Variants in ST6GALNAC3 observed in about 807,000 individuals in gnomAD.
ST6GALNAC3 encodes alpha-N-acetylgalactosaminide alpha-2,6-sialyltransferase 3.
A neutral mutation model predicts 32.7 loss-of-function variants in ST6GALNAC3; 25 were observed. The observed-to-expected ratio is 0.76, with a 90% CI of 0.56 to 1.07. The LOEUF is 1.07. ST6GALNAC3 is among the 50% of genes least tolerant of loss of function. The probability of loss-of-function intolerance (pLI) is 0.00; values close to 1 mark genes in which losing one functional copy is unlikely to be tolerated. For synonymous variants in ST6GALNAC3, 129 were observed against 133.1 expected (o/e 0.97, Z 0.21); for missense variants, 355 against 382.4 (o/e 0.93, Z 0.60).
At chr1:76,527,896 G>A (rs1459216688) in intron 3 of ST6GALNAC3, among the ~76,000 whole-genome samples, 43 of 151,998 alleles carry the variant, frequency 2.8e-4, no homozygotes, top group Admixed American at 2.8e-3. Context: ...GGTATCAGCA[G>A]AAAAATAAAA....
intron 3 of ST6GALNAC3, among the ~76,000 whole-genome samples, chr1:76,429,511 C>G (rs1655609350): frequency 1.3e-5 from 2 of 152,124 alleles, no homozygotes. Context: ...TATTGCATTG[C>G]ACATTTAGAT....
rs144110306 is a variant in ST6GALNAC3, at chr1:76,235,046, A to G, written c.19-78759A>G. Among the ~76,000 whole-genome samples, 1,113 of 152,310 alleles carry G rather than the reference A, an allele frequency of 7.3e-3. 9 individuals are homozygous for G. The highest frequency in any genetic ancestry group is 0.037 in the Middle Eastern group (11 of 294). On this transcript the variant is annotated intron_variant, in intron 1 of 4. Transcript: ENST00000328299. Reference sequence around the variant, plus strand: ...TAAACTCAAAGTAGCAGGGCCTCACATTTGGGCACTGCTGTGTAGGAGGTG... The same window carrying G: ...TAAACTCAAAGTAGCAGGGCCTCACGTTTGGGCACTGCTGTGTAGGAGGTG...
chr1:76,622,724 T>C (rs1648727370), intron 3 of ST6GALNAC3, among the ~76,000 whole-genome samples: 1 of 152,028 alleles, frequency 6.6e-6, no homozygotes, highest in South Asian at 2.1e-4. Context: ...CATCAAAGTA[T>C]GAATTTCTTG....
chr1:76,224,195 A>G (rs891198439), intron 1 of ST6GALNAC3, among the ~76,000 whole-genome samples: 1 of 151,958 alleles, frequency 6.6e-6, no homozygotes, highest in Non-Finnish European at 1.5e-5. Flanking sequence ...TCAAGATTTT[A>G]CTCCAGAGCC....
intron 3 of ST6GALNAC3, among the ~76,000 whole-genome samples, chr1:76,430,419 C>T (rs1318910459): frequency 6.6e-6 from 1 of 152,202 alleles, no homozygotes; most frequent in Non-Finnish European, 1.5e-5. Context: ...CTAGTCCCTA[C>T]AGTTGTTCTC....
At chr1:76,116,741 GCCAACAT>G (rs1648507776) in intron 1 of ST6GALNAC3, among the ~76,000 whole-genome samples, 1 of 152,104 alleles carries the variant, frequency 6.6e-6, no homozygotes, top group Admixed American at 6.5e-5. Context: ...GACCAGCCTT[GCCAACAT>G]GGCAAAACCC....
intron 3 of ST6GALNAC3, among the ~76,000 whole-genome samples, chr1:76,560,619 A>T (rs1482248715): frequency 6.6e-6 from 1 of 152,258 alleles, no homozygotes; most frequent in East Asian, 1.9e-4. Flanking sequence ...AGTGAAAATC[A>T]AAACTACAAT....
intron 3 of ST6GALNAC3, among the ~76,000 whole-genome samples, chr1:76,506,759 C>A (rs775450047): frequency 1.3e-5 from 2 of 152,154 alleles, no homozygotes; most frequent in Non-Finnish European, 2.9e-5. Context: ...TCTAAAGAAG[C>A]TTGGATCAGA....
chr1:76,232,768 A>G (rs915191804), intron 1 of ST6GALNAC3, among the ~76,000 whole-genome samples: 3 of 152,242 alleles, frequency 2.0e-5, no homozygotes, highest in African/African-American at 7.2e-5. Context: ...GTGGTTGAGC[A>G]ATAATGAACT....
At position 76,159,493 on chromosome 1, in the gene ST6GALNAC3, A is replaced by G. The variant is rs758516495; in HGVS notation, c.18+84609A>G. ...GCCACCGCACCCGGTCTGGGCCCTG[A>G]GTCAGTTTCTGACCTGCCTTCTGAG... is the stretch of plus-strand genomic sequence containing the variant. On this transcript the variant is annotated intron_variant, in intron 1 of 4. Coordinates refer to ENST00000328299, the MANE Select transcript of ST6GALNAC3 (RefSeq NM_152996.4). 2.6e-5 allele frequency among the ~76,000 whole-genome samples: 4 copies of G among 152,130 alleles called. No homozygotes were observed. The East Asian group carries it at 7.7e-4, about 29-fold the overall frequency.
At chr1:76,108,014 C>A (rs1280906355) in intron 1 of ST6GALNAC3, among the ~76,000 whole-genome samples, 1 of 152,072 alleles carries the variant, frequency 6.6e-6, no homozygotes, top group East Asian at 1.9e-4. Context: ...TATATTTGGG[C>A]TGTTTGAGTT....
chr1:76,129,064 A>G (rs79781207), intron 1 of ST6GALNAC3, among the ~76,000 whole-genome samples: 1 of 152,124 alleles, frequency 6.6e-6, no homozygotes, highest in Non-Finnish European at 1.5e-5. Flanking sequence ...TGATCATCCA[A>G]TCGAGGCAGT....
chr1:76,367,252 G>A (rs1337920824), intron 2 of ST6GALNAC3, among the ~76,000 whole-genome samples: 2 of 152,042 alleles, frequency 1.3e-5, no homozygotes, highest in African/African-American at 4.8e-5. Context: ...TATACATTAA[G>A]TAAATATGTA....
At chr1:76,390,978 C>T (rs1458216553) in intron 2 of ST6GALNAC3, among the ~76,000 whole-genome samples, 3 of 117,156 alleles carry the variant, frequency 2.6e-5, no homozygotes, top group Middle Eastern at 5.0e-3. Context: ...CTCGCACTGT[C>T]GCCCAGGCTA....
At chr1:76,312,653 G>A (rs1363916186) in intron 1 of ST6GALNAC3, among the ~76,000 whole-genome samples, 1 of 152,104 alleles carries the variant, frequency 6.6e-6, no homozygotes, top group Non-Finnish European at 1.5e-5. Context: ...TTTCTCAGAA[G>A]AAGACATTTA....
rs1649163932 is a variant in ST6GALNAC3, at chr1:76,629,125, C to T, written c.*319C>T. On this transcript the variant is annotated 3_prime_UTR_variant, in exon 5 of 5. Coordinates refer to ENST00000328299, the MANE Select transcript of ST6GALNAC3 (RefSeq NM_152996.4). ...ATGGGAAGATTATCTTTCAAGATAG[C>T]TGCCTAGAATTGTTCAACAGTGAGT... 15 of 1,097,996 alleles carry T rather than the reference C, an allele frequency of 1.4e-5. No homozygotes were observed. The highest frequency in any genetic ancestry group is 1.7e-5 in the Non-Finnish European group (15 of 903,262). The allele number at this position is 1,097,996 out of a possible 1,614,324, so 68.0% of individuals were successfully genotyped here. A position where few individuals can be genotyped will look rare whatever the true frequency, so the allele number is the denominator to read the frequency against.
intron 3 of ST6GALNAC3, among the ~76,000 whole-genome samples, chr1:76,584,944 A>C (rs1646939213): frequency 6.6e-6 from 1 of 152,182 alleles, no homozygotes; most frequent in Non-Finnish European, 1.5e-5. Flanking sequence ...GCAATATCCC[A>C]AATATGAGTG....
intron 2 of ST6GALNAC3, among the ~76,000 whole-genome samples, chr1:76,318,773 A>G (rs968105726): frequency 6.6e-6 from 1 of 152,188 alleles, no homozygotes; most frequent in African/African-American, 2.4e-5. Context: ...CTAAAACCCT[A>G]TTTTCCCCTT....
intron 3 of ST6GALNAC3, among the ~76,000 whole-genome samples, chr1:76,468,976 A>T (rs1658841628): frequency 6.6e-6 from 1 of 152,026 alleles, no homozygotes; most frequent in Non-Finnish European, 1.5e-5. Context: ...ATGTGGACTC[A>T]TTTGTTTTTT....
Sources: gnomAD v4.1 joint callset for allele counts (sites outside exome capture counted in the v4.1 genomes callset) on GRCh38, gnomAD v4.1.1 for gene constraint, MANE v1.5 for transcripts, NCBI Gene and HGNC (gene_info 2026-07-23, HGNC 2026-07-21) for gene names.